GPM6A: variants seen among roughly 807,000 people sequenced by gnomAD.
GPM6A encodes the protein glycoprotein M6A.
Under a neutral mutation model 32.1 loss-of-function variants are expected in GPM6A, and 7 were observed. The observed-to-expected ratio is 0.22, with a 90% confidence interval of 0.12 to 0.41. The LOEUF is 0.41. Among genes scored for constraint, GPM6A ranks in the 10% least tolerant of loss-of-function variants. The pLI, the probability that GPM6A is intolerant of heterozygous loss-of-function variation, is 1.00. For synonymous variants in GPM6A, 130 were observed against 123.4 expected, an observed-to-expected ratio of 1.05 and a Z score of -0.35; for missense variants, 235 against 347.2, an observed-to-expected ratio of 0.68 and a Z score of 2.57.
chr4:175,638,015 G>A (rs1350917223), intron 6 of GPM6A, among the ~76,000 whole-genome samples: 1 of 147,192 alleles, frequency 6.8e-6, no homozygotes, highest in African/African-American at 2.5e-5. Flanking sequence ...CCAAGCTGCA[G>A]GGCTTATTAC....
At chr4:175,923,078 T>C (rs1460272677) in intron 1 of GPM6A, among the ~76,000 whole-genome samples, 1 of 151,886 alleles carries the variant, frequency 6.6e-6, no homozygotes. Flanking sequence ...GATACTATAT[T>C]ATTCATATAA....
At chr4:175,915,420 G>A (rs1738461033) in intron 1 of GPM6A, among the ~76,000 whole-genome samples, 1 of 151,746 alleles carries the variant, frequency 6.6e-6, no homozygotes. Context: ...CTGAGTATCT[G>A]GGATTACAGG....
intron 1 of GPM6A, chr4:175,972,029 G>C (rs1396004156): frequency 2.6e-5 from 4 of 152,158 alleles, no homozygotes; most frequent in Non-Finnish European, 4.4e-5. Flanking sequence ...AGTCAGAAGA[G>C]AGTCACGTGC....
At chr4:175,977,165 C>T (rs1444711788) in intron 1 of GPM6A, among the ~76,000 whole-genome samples, 3 of 152,134 alleles carry the variant, frequency 2.0e-5, no homozygotes, top group South Asian at 2.1e-4. Context: ...GACAAGAATT[C>T]ATCAAAGTTA....
chr4:175,830,739 C>G (rs564639174), intron 1 of GPM6A, among the ~76,000 whole-genome samples: 14 of 151,924 alleles, frequency 9.2e-5, no homozygotes, highest in African/African-American at 2.7e-4. Context: ...GTATGCATGC[C>G]GCCATTCTGT....
At chr4:175,832,562 T>C (rs989584327) in intron 1 of GPM6A, among the ~76,000 whole-genome samples, 2 of 151,222 alleles carry the variant, frequency 1.3e-5, no homozygotes, top group Non-Finnish European at 2.9e-5. Flanking sequence ...GTTTAGAATC[T>C]GGCAGAAGGA....
intron 1 of GPM6A, chr4:175,788,160 GA>G (rs1733873972): frequency 6.6e-6 from 1 of 152,150 alleles, no homozygotes; most frequent in Non-Finnish European, 1.5e-5. Flanking sequence ...AAGGCAAATG[GA>G]AAGGGGAGAG....
Position 175,874,644 on chromosome 4 carries a change from C to T in GPM6A, c.-22-62395G>A, listed in dbSNP as rs140744674. On this transcript the variant is annotated intron_variant, in intron 1 of 7. Coordinates refer to the GPM6A transcript ENST00000280187. ...TTTTTAATATTTGGAAATGAGAAGG[C>T]GAATAGCTTAAAGTCATGAGAAAAG... 3.6e-3 allele frequency among the ~76,000 whole-genome samples: 552 copies of T among 151,608 alleles called. 11 individuals are homozygous for T. The highest frequency in any genetic ancestry group is 0.033 in the Admixed American group (510 of 15,228).
chr4:175,772,377 G>A (rs1448903230), intron 1 of GPM6A, among the ~76,000 whole-genome samples: 2 of 152,186 alleles, frequency 1.3e-5, no homozygotes, highest in East Asian at 1.9e-4. Flanking sequence ...GGAGGATGAA[G>A]AGCAATGTGA....
intron 1 of GPM6A, among the ~76,000 whole-genome samples, chr4:175,702,922 T>G (rs1744959870): frequency 6.6e-6 from 1 of 152,194 alleles, no homozygotes; most frequent in Non-Finnish European, 1.5e-5. Flanking sequence ...CTTGCTATCA[T>G]TCATGGTTTG....
chr4:175,902,264 G>T (rs35663654), intron 1 of GPM6A, among the ~76,000 whole-genome samples: 14,143 of 152,254 alleles, frequency 0.093, 890 homozygotes, highest in Non-Finnish European at 0.14. Context: ...GTTATGATAT[G>T]GGAGCTAAAA....
intron 1 of GPM6A, among the ~76,000 whole-genome samples, chr4:175,741,105 G>T (rs1731871740): frequency 6.6e-6 from 1 of 151,914 alleles, no homozygotes; most frequent in Non-Finnish European, 1.5e-5. Flanking sequence ...GTATTCACAG[G>T]CACCTCAAAT....
chr4:175,771,581 A>T lies in GPM6A; in HGVS notation c.37+40610T>A, dbSNP rs562224517. 2.1e-3 allele frequency among the ~76,000 whole-genome samples: 318 copies of T among 151,786 alleles called. 1 individual carries two copies. The highest frequency in any genetic ancestry group is 3.7e-3 in the Non-Finnish European group (251 of 67,886). ...AAAAAAAAAAAAAAAGAATTTTCAT[A>T]AACATTATATTTGATGTTTAGAAGA... is the stretch of plus-strand genomic sequence containing the variant. On this transcript the variant is annotated intron_variant, in intron 1 of 6. Transcript: ENST00000393658.
chr4:175,804,471 T>G (rs1734601861), intron 1 of GPM6A, among the ~76,000 whole-genome samples: 1 of 152,154 alleles, frequency 6.6e-6, no homozygotes, highest in Non-Finnish European at 1.5e-5. Flanking sequence ...CCTGTAGAGT[T>G]TGAACCCAAT....
At chr4:175,742,038 A>G (rs1429410502) in intron 1 of GPM6A, among the ~76,000 whole-genome samples, 2 of 152,122 alleles carry the variant, frequency 1.3e-5, no homozygotes, top group African/African-American at 4.8e-5. Flanking sequence ...CAACTGATAA[A>G]AATATTTTAT....
intron 1 of GPM6A, among the ~76,000 whole-genome samples, chr4:175,940,356 AT>A (rs1420849904): frequency 6.6e-6 from 1 of 152,252 alleles, no homozygotes; most frequent in Non-Finnish European, 1.5e-5. Context: ...AAAATAATGC[AT>A]TTTTTAGTTT....
At chr4:175,908,792 A>T (rs79181272) in intron 1 of GPM6A, among the ~76,000 whole-genome samples, 5,443 of 152,230 alleles carry the variant, frequency 0.036, 201 homozygotes, top group African/African-American at 0.098. Context: ...GTGTGAAAAC[A>T]ATTCAAATAA....
intron 1 of GPM6A, among the ~76,000 whole-genome samples, chr4:175,755,308 A>G (rs1732486250): frequency 6.6e-6 from 1 of 152,182 alleles, no homozygotes; most frequent in Non-Finnish European, 1.5e-5. Flanking sequence ...CCTTAGCTAT[A>G]CCTAAAATAA....
chr4:175,903,982 G>A lies in GPM6A; in HGVS notation c.-22-91733C>T, dbSNP rs73871262. Among the ~76,000 whole-genome samples the A allele has an allele frequency of 4.9e-3, 750 of 152,120 alleles. 11 individuals are homozygous for A. The highest frequency in any genetic ancestry group is 0.017 in the African/African-American group (711 of 41,530). ...CCTTCTGGGGAAATACATGTGAAGAGAATATTTTTCTCAAAATAATAGAAA... is the reference window on the plus strand; with the variant it reads ...CCTTCTGGGGAAATACATGTGAAGAAAATATTTTTCTCAAAATAATAGAAA... On this transcript the variant is annotated intron_variant, in intron 1 of 7. Transcript: ENST00000280187.
Sources: allele counts gnomAD v4.1 joint callset (sites outside exome capture counted in the v4.1 genomes callset), GRCh38; gene constraint gnomAD v4.1.1; transcripts MANE v1.5; gene names NCBI Gene and HGNC (gene_info 2026-07-23, HGNC 2026-07-21).